The following BBS1 variants were observed in gnomAD, a reference collection of about 807,000 sequenced individuals.
BBS1 encodes BBSome complex member BBS1.
A neutral mutation model predicts 73.9 loss-of-function variants in BBS1; 60 were observed. That is an observed-to-expected ratio of 0.81 (90% CI 0.66 to 1.01). The LOEUF is 1.01. BBS1 is among the 50% of genes least tolerant of loss of function. BBS1 has a pLI of 0.00. For synonymous variants in BBS1, 283 were observed against 317.4 expected, an observed-to-expected ratio of 0.89 and a Z score of 1.15; for missense variants, 718 against 770.3, an observed-to-expected ratio of 0.93 and a Z score of 0.80.
intron 13 of BBS1, chr11:66,529,061 A>G (rs941142691): frequency 2.0e-6 from 2 of 984,578 alleles, no homozygotes; most frequent in African/African-American, 1.7e-5. Flanking sequence ...ATAAATTGTA[A>G]AAGTACTAGA....
At chr11:66,528,790 G>A (rs563886022) in intron 13 of BBS1, among the ~76,000 whole-genome samples, 26 of 152,122 alleles carry the variant, frequency 1.7e-4, no homozygotes, top group African/African-American at 4.8e-4. Context: ...CCAACATGGT[G>A]AAACCCCGTC....
rs1856829769 is a variant in BBS1 at position 66,532,523 on chromosome 11, GCAGCCCA to G, written c.*488_*494del. The G allele has an allele frequency of 6.1e-6, 1 of 163,358 alleles. No individual in the cohort carries two copies. Among genetic ancestry groups the G allele is most frequent in the Non-Finnish European group, 1.4e-5 (1 of 74,006 alleles). The allele number at this position is 163,358 out of a possible 1,614,324, so 10.1% of individuals were successfully genotyped here. On this transcript the variant is annotated 3_prime_UTR_variant, in exon 17 of 17. Transcript: ENST00000318312. Reference sequence around the variant, plus strand: ...TCCCTGGAGTTCCGGAGGCTGGGCTGCAGCCCACTCAGCTTGCGGGCAAAATACGTGC... The same window carrying G: ...TCCCTGGAGTTCCGGAGGCTGGGCTGCTCAGCTTGCGGGCAAAATACGTGC...
Position 66,526,150 on chromosome 11 carries a change from C to A in BBS1, c.1138C>A (p.Arg380=). The part of the protein sequence containing the change: ...PDAVTSLCFG[R]YGREDNTLIM... ...TGCAGTGACCAGCCTTTGCTTTGGC[C>A]GGTACGGGCGGGAGGACAACACCCT... Residue 380 remains arginine, a synonymous_variant, in exon 12 of 17, where the codon CGG becomes AGG. Coordinates refer to ENST00000318312, the MANE Select transcript of BBS1 (RefSeq NM_024649.5). 1 of 1,614,134 alleles carries A rather than the reference C, an allele frequency of 6.2e-7. No individual in the cohort carries two copies. Among genetic ancestry groups the A allele is most frequent in the Non-Finnish European group, 8.5e-7 (1 of 1,180,012 alleles).
chr11:66,528,643 C>T (rs11227516), intron 13 of BBS1, among the ~76,000 whole-genome samples: 3,663 of 152,174 alleles, frequency 0.024, 163 homozygotes, highest in East Asian at 0.14. Flanking sequence ...CAAAAACACA[C>T]AATCAGGACA....
rs2134839868 is a variant in BBS1 at position 66,531,504 on chromosome 11, C to T, written c.1609-152C>T. On this transcript the variant is annotated intron_variant, in intron 15 of 16. Coordinates refer to ENST00000318312, the MANE Select transcript of BBS1 (RefSeq NM_024649.5). ...TGAGGCCCTGGGCCATTCACTTCCC[C>T]ACCACACCTGCATCCTCCTCCACCC... The T allele has an allele frequency of 4.9e-6, 5 of 1,018,806 alleles. No homozygotes were observed. The East Asian group carries it at 9.5e-5, about 19-fold the overall frequency. 63.1% of individuals were successfully genotyped at this position (1,018,806 alleles called of 1,614,324 possible). A position where few individuals can be genotyped will look rare whatever the true frequency, so the allele number is the denominator to read the frequency against.
rs1856827207 is a variant in BBS1, at chr11:66,532,463, A to C, written c.*426A>C. 5.6e-6 allele frequency: 1 copy of C among 179,716 alleles called. No individual in the cohort carries two copies. Among genetic ancestry groups the C allele is most frequent in the Non-Finnish European group, 1.2e-5 (1 of 83,754 alleles). 11.1% of individuals were successfully genotyped at this position (179,716 alleles called of 1,614,324 possible). A position where few individuals can be genotyped will look rare whatever the true frequency, so the allele number is the denominator to read the frequency against. ...GGCTAGTCCTGGCCAGGGAAATCAG[A>C]AGCTCTTCTTGGGTGAGATTGAGCC... On this transcript the variant is annotated 3_prime_UTR_variant, in exon 17 of 17. Coordinates refer to ENST00000318312, the MANE Select transcript of BBS1 (RefSeq NM_024649.5).
At chr11:66,523,041 C>A in intron 9 of BBS1, 1 of 413,126 alleles carries the variant, frequency 2.4e-6, no homozygotes, top group Non-Finnish European at 4.8e-6. Context: ...AATTGAGAGG[C>A]CAGTAAACTA....
Position 66,523,885 on chromosome 11 carries a change from G to A in BBS1, c.1110+3G>A. 6.2e-7 allele frequency: 1 copy of A among 1,612,828 alleles called. No individual in the cohort carries two copies. The highest frequency in any genetic ancestry group is 1.1e-5 in the South Asian group (1 of 91,090). ...TGCTCAATGTCATCCACACCCCGGT[G>A]AGCCCCATCTCCGGCATCTGCCACT... On this transcript the variant is annotated splice_donor_region_variant and intron_variant, in intron 11 of 16. Transcript: ENST00000318312.
intron 15 of BBS1, 128 bp from the exon 16 acceptor site, chr11:66,531,528 C>A (rs770875606): frequency 3.3e-6 from 4 of 1,216,808 alleles, no homozygotes; most frequent in Non-Finnish European, 4.9e-6. Context: ...CCTCCTCCAC[C>A]CAGCAGTTGT....
At chr11:66,524,547 T>C (rs1856401563) in intron 11 of BBS1, among the ~76,000 whole-genome samples, 9 of 152,134 alleles carry the variant, frequency 5.9e-5, no homozygotes, top group Admixed American at 5.9e-4. Context: ...ACAGTTCAAC[T>C]GGGCCTCAGA....
In BBS1 at chr11:66,519,621, TCATCAC is replaced by T; in HGVS notation, c.599_604del (p.Ile200_Thr201del). ...ACCCCTGGAGTCCTTCTGTAGACAG[TCATCAC>T]CACCATGACCACCTTGAAGAAGAAC... On this transcript the variant is annotated inframe_deletion, in exon 8 of 17. Coordinates refer to ENST00000318312, the MANE Select transcript of BBS1 (RefSeq NM_024649.5). 31 of 1,613,818 alleles carry T rather than the reference TCATCAC, an allele frequency of 1.9e-5. No individual in the cohort carries two copies. Among genetic ancestry groups the T allele is most frequent in the Non-Finnish European group, 2.6e-5 (31 of 1,179,880 alleles).
intron 7 of BBS1, among the ~76,000 whole-genome samples, chr11:66,519,070 TC>T (rs1856122352): frequency 1.3e-5 from 2 of 152,160 alleles, no homozygotes; most frequent in African/African-American, 4.8e-5. Context: ...GCCCAAATAT[TC>T]TTTTTAAATA....
chr11:66,514,496 G>C lies in BBS1; in HGVS notation c.250G>C (p.Ala84Pro). The C allele has an allele frequency of 6.2e-7, 1 of 1,614,172 alleles. No individual in the cohort carries two copies. Among genetic ancestry groups the C allele is most frequent in the Non-Finnish European group, 8.5e-7 (1 of 1,180,040 alleles). ...GGTGATGACCGAAAGCCCGCTACCT[G>C]CTCTGCCAGCTGCTGCTGCCACCTT... ...PLVMTESPLP[A>P]LPAAAATFLM... The change falls in exon 4 of 17, where the codon GCT (alanine) becomes CCT (proline). Residue 84 changes from alanine to proline, a missense_variant. Coordinates refer to ENST00000318312, the MANE Select transcript of BBS1 (RefSeq NM_024649.5).
chr11:66,516,421 A>G (rs954220372), intron 7 of BBS1, among the ~76,000 whole-genome samples: 2 of 152,050 alleles, frequency 1.3e-5, no homozygotes, highest in Admixed American at 1.3e-4. Context: ...CCATCGTGCC[A>G]TGCCAACCAC....
chr11:66,514,701 G>A, intron 4 of BBS1, 23 bp downstream of exon 4: 2 of 1,606,640 alleles, frequency 1.2e-6, no homozygotes. Context: ...CATGGGAGTT[G>A]GGAACCAGAA....
intron 9 of BBS1, 164 bp from the exon 10 acceptor site, chr11:66,523,292 C>A: frequency 1.0e-6 from 1 of 953,274 alleles, no homozygotes; most frequent in Non-Finnish European, 1.7e-6. Context: ...TTTTCCAAGG[C>A]CACACATTTA....
chr11:66,515,752 C>T, intron 6 of BBS1, 21 bp downstream of exon 6: 1 of 1,614,142 alleles, frequency 6.2e-7, no homozygotes, highest in Non-Finnish European at 8.5e-7. Context: ...TGTGGAGGGC[C>T]AGGGTTTGGG....
At chr11:66,525,298 G>A (rs1229737784) in intron 11 of BBS1, among the ~76,000 whole-genome samples, 3 of 152,054 alleles carry the variant, frequency 2.0e-5, no homozygotes, top group Non-Finnish European at 4.4e-5. Flanking sequence ...GGCAAAGGTT[G>A]CAGTGAACTG....
chr11:66,523,126 T>TAGTCCAGCC, intron 9 of BBS1: 1 of 494,006 alleles, frequency 2.0e-6, no homozygotes, highest in Admixed American at 2.3e-5. Flanking sequence ...TTGTCCTGGC[T>TAGTCCAGCC]AGTCCAGCCA....
Sources: gnomAD v4.1 joint callset for allele counts (sites outside exome capture counted in the v4.1 genomes callset) on GRCh38, gnomAD v4.1.1 for gene constraint, MANE v1.5 for transcripts, NCBI Gene and HGNC (gene_info 2026-07-23, HGNC 2026-07-21) for gene names.